Variants in GATAD2A observed in about 807,000 individuals in gnomAD.
GATAD2A encodes transcriptional repressor p66-alpha.
A neutral mutation model predicts 68.5 loss-of-function variants in GATAD2A; 12 were observed. The ratio of observed to expected loss-of-function variants is 0.18; its 90% CI spans 0.11 to 0.28. The LOEUF is 0.28. GATAD2A is among the 10% of genes least tolerant of loss of function. The pLI, the probability that GATAD2A is intolerant of heterozygous loss-of-function variation, is 1.00. For missense variants in GATAD2A, 755 were observed against 868.5 expected, an observed-to-expected ratio of 0.87 and a Z score of 1.64; for synonymous variants, 410 against 375.3, an observed-to-expected ratio of 1.09 and a Z score of -1.07.
Position 19,466,412 on chromosome 19 carries a change from A to G in GATAD2A, c.269+798A>G, listed in dbSNP as rs183223381. Reference sequence around the variant, plus strand: ...CAGCTTCCCGGCTGGCCCTCTGACAAACTCCTCTGTGGCCCGTTGCTCTCT... The same window carrying G: ...CAGCTTCCCGGCTGGCCCTCTGACAGACTCCTCTGTGGCCCGTTGCTCTCT... On this transcript the variant is annotated intron_variant, in intron 2 of 11. Coordinates refer to ENST00000683918, the MANE Select transcript of GATAD2A (RefSeq NM_001384528.1). 2.1e-3 allele frequency among the ~76,000 whole-genome samples: 322 copies of G among 152,202 alleles called. 2 individuals are homozygous for G. The highest frequency in any genetic ancestry group is 0.016 in the South Asian group (78 of 4,818).
chr19:19,475,470 C>T (rs1348784168), intron 2 of GATAD2A, among the ~76,000 whole-genome samples: 7 of 93,006 alleles, frequency 7.5e-5, no homozygotes, highest in African/African-American at 1.8e-4. Context: ...ACTCTGTGGG[C>T]GGCTCTCTGG....
At chr19:19,396,166 C>T (rs1053243768) in intron 1 of GATAD2A, among the ~76,000 whole-genome samples, 5 of 152,016 alleles carry the variant, frequency 3.3e-5, no homozygotes, top group East Asian at 1.9e-4. Context: ...ACTGAAAATA[C>T]GAATTAGCTG....
chr19:19,457,925 T>C (rs1324215286), intron 1 of GATAD2A, among the ~76,000 whole-genome samples: 1 of 152,056 alleles, frequency 6.6e-6, no homozygotes, highest in African/African-American at 2.4e-5. Context: ...ATGCAGGCTC[T>C]CAGTGAGAGG....
intron 1 of GATAD2A, among the ~76,000 whole-genome samples, chr19:19,464,492 C>T (rs1047606611): frequency 2.0e-5 from 3 of 152,138 alleles, no homozygotes; most frequent in Non-Finnish European, 4.4e-5. Context: ...GCTGTGCTGT[C>T]GTCCTGTCTC....
chr19:19,495,347 C>T (rs1217100693), intron 5 of GATAD2A, among the ~76,000 whole-genome samples: 7 of 147,702 alleles, frequency 4.7e-5, no homozygotes, highest in Non-Finnish European at 7.5e-5. Context: ...CTTGCTCTGT[C>T]GCCCAGGCTG....
chr19:19,506,032 T>C lies in GATAD2A; in HGVS notation c.*558T>C. On this transcript the variant is annotated 3_prime_UTR_variant, in exon 12 of 12. Coordinates refer to ENST00000683918, the MANE Select transcript of GATAD2A (RefSeq NM_001384528.1). ...AGTTAAAAGTAAACCGTGCAGACCC[T>C]GGGGTCCCTGTTGTACGCTGCATCA... 1 of 398,942 alleles carries C rather than the reference T, an allele frequency of 2.5e-6. No individual in the cohort carries two copies. Among genetic ancestry groups the C allele is most frequent in the East Asian group, 3.6e-5 (1 of 28,056 alleles). The allele number at this position is 398,942 out of a possible 1,614,324, so 24.7% of individuals were successfully genotyped here.
intron 1 of GATAD2A, among the ~76,000 whole-genome samples, chr19:19,431,027 G>A (rs2053684626): frequency 6.8e-6 from 1 of 145,990 alleles, no homozygotes; most frequent in Non-Finnish European, 1.5e-5. Context: ...GTAGTACCCA[G>A]GTGCAAGGTC....
intron 10 of GATAD2A, 115 bp downstream of exon 10, chr19:19,502,158 T>C: frequency 2.2e-6 from 2 of 905,844 alleles, no homozygotes; most frequent in South Asian, 3.0e-5. Context: ...TCTGTTTCAC[T>C]CTCTCCCCTC....
At chr19:19,419,871 C>T (rs564493097) in intron 1 of GATAD2A, among the ~76,000 whole-genome samples, 14 of 152,138 alleles carry the variant, frequency 9.2e-5, no homozygotes, top group Middle Eastern at 3.4e-3. Context: ...AGGATCCAGT[C>T]CTAGGACCGT....
At chr19:19,462,280 TC>T (rs1220324659) in intron 1 of GATAD2A, among the ~76,000 whole-genome samples, 2 of 152,172 alleles carry the variant, frequency 1.3e-5, no homozygotes, top group Non-Finnish European at 2.9e-5. Context: ...GCACCTGCCC[TC>T]CCCAGGAGCA....
chr19:19,498,625 A>T lies in GATAD2A; in HGVS notation c.1107A>T (p.Pro369=), dbSNP rs539131187. 4.0e-5 allele frequency: 64 copies of T among 1,613,200 alleles called. No individual in the cohort carries two copies. The highest frequency in any genetic ancestry group is 5.2e-5 in the Non-Finnish European group (61 of 1,179,404). ...TCGAGATCCCCCCACCCAAGCCCCC[A>T]GCCCCAGAGATGAACTTCCTGCCCA... ...TLLEIPPPKP[P]APEMNFLPSA... The change falls in exon 8 of 12, where the codon CCA becomes CCT. Residue 369 remains proline (P), a synonymous_variant. Coordinates refer to ENST00000683918, the MANE Select transcript of GATAD2A (RefSeq NM_001384528.1).
At chr19:19,390,537 G>C (rs573311633) in intron 1 of GATAD2A, among the ~76,000 whole-genome samples, 2 of 152,330 alleles carry the variant, frequency 1.3e-5, no homozygotes, top group African/African-American at 4.8e-5. Flanking sequence ...CCAGATGTGA[G>C]ATGGGTTTAC....
In GATAD2A at chr19:19,506,408, C is replaced by CCT. The variant is rs2060869174; in HGVS notation, c.*935_*936dup. 1 of 365,478 alleles carries CCT rather than the reference C, an allele frequency of 2.7e-6. No homozygotes were observed. The highest frequency in any genetic ancestry group is 4.8e-6 in the Non-Finnish European group (1 of 206,726). The allele number at this position is 365,478 out of a possible 1,614,324, so 22.6% of individuals were successfully genotyped here. A position where few individuals can be genotyped will look rare whatever the true frequency, so the allele number is the denominator to read the frequency against. ...TGTGGTTTATTTTATTAAATTTTTT[C>CCT]CTTTTTTCTATTCATTTCGATGGAC... On this transcript the variant is annotated 3_prime_UTR_variant, in exon 12 of 12. Transcript: ENST00000683918.
intron 2 of GATAD2A, among the ~76,000 whole-genome samples, chr19:19,488,997 C>T (rs1158609164): frequency 2.0e-5 from 3 of 152,194 alleles, no homozygotes; most frequent in Non-Finnish European, 4.4e-5. Context: ...TTACTTTAGA[C>T]AGTTTTTATA....
chr19:19,447,168 G>C (rs1410401911), intron 1 of GATAD2A, among the ~76,000 whole-genome samples: 1 of 152,132 alleles, frequency 6.6e-6, no homozygotes, highest in Non-Finnish European at 1.5e-5. Context: ...AGACCCCCTG[G>C]GGGGCATGTG....
chr19:19,388,383 A>G (rs1169122499), intron 1 of GATAD2A, among the ~76,000 whole-genome samples: 1 of 152,006 alleles, frequency 6.6e-6, no homozygotes, highest in Non-Finnish European at 1.5e-5. Context: ...TGTCTGTGGC[A>G]CCCACTTTCC....
chr19:19,388,397 A>G (rs749707521), intron 1 of GATAD2A, among the ~76,000 whole-genome samples: 5 of 151,910 alleles, frequency 3.3e-5, no homozygotes, highest in Admixed American at 6.6e-5. Flanking sequence ...ACTTTCCCCC[A>G]ACTGTGGAGG....
In GATAD2A at chr19:19,496,151, A is replaced by G; in HGVS notation, c.856A>G (p.Ile286Val). 6.2e-7 allele frequency: 1 copy of G among 1,613,784 alleles called. No homozygotes were observed. Among genetic ancestry groups the G allele is most frequent in the Non-Finnish European group, 8.5e-7 (1 of 1,179,974 alleles). ...VPSVQIQGQRIIQQGLIRVAN... is the reference protein window; with the variant it reads ...VPSVQIQGQRVIQQGLIRVAN... ...CAGTGTGCAGATTCAGGGACAGAGG[A>G]TCATCCAGCAGGGCCTCATCCGCGT... The change falls in exon 7 of 12, where the codon ATC becomes GTC. Residue 286 changes from isoleucine to valine, a missense_variant. By Grantham distance (29) the Ile-to-Val change is conservative (BLOSUM62 3). Transcript: ENST00000683918.
At chr19:19,391,722 A>G (rs973563409) in intron 1 of GATAD2A, among the ~76,000 whole-genome samples, 2 of 152,218 alleles carry the variant, frequency 1.3e-5, no homozygotes, top group African/African-American at 4.8e-5. Context: ...TATTAGATGT[A>G]ATGTAATGTG....
Sources: allele counts gnomAD v4.1 joint callset (sites outside exome capture counted in the v4.1 genomes callset), GRCh38; gene constraint gnomAD v4.1.1; transcripts MANE v1.5; gene names NCBI Gene and HGNC (gene_info 2026-07-23, HGNC 2026-07-21).